The following LIPG variants were observed in gnomAD, a reference collection of about 807,000 sequenced individuals.
LIPG encodes lipase G, endothelial type.
Under a neutral mutation model 51.8 loss-of-function variants are expected in LIPG, and 34 were observed. The ratio of observed to expected loss-of-function variants is 0.66; its 90% CI spans 0.50 to 0.87. The LOEUF is 0.87. Among genes scored for constraint, LIPG ranks in the 40% least tolerant of loss-of-function variants. LIPG has a pLI of 0.00. For synonymous variants in LIPG, 246 were observed against 246.1 expected (o/e 1.00, Z 0.00); for missense variants, 580 against 652.7 (o/e 0.89, Z 1.21).
chr18:49,583,756 C>T lies in LIPG; in HGVS notation c.1358C>T (p.Ser453Phe), dbSNP rs746368914. The T allele has an allele frequency of 5.0e-6, 8 of 1,612,908 alleles. No homozygotes were observed. In the South Asian group the frequency reaches 7.7e-5, roughly 16 times the overall value. ...ELNIRRIRVK[S>F]GETQRKLTFC... is the part of the protein sequence containing the mutation. ...AATATCAGGCGCATCCGGGTGAAGT[C>T]TGGGGAAACCCAGCGGAAGTAAGTG... Residue 453 changes from serine (S) to phenylalanine (F), a missense_variant, in exon 8 of 10, where the codon TCT (serine) becomes TTT (phenylalanine). Physicochemically the swap from Ser to Phe is radical, Grantham distance 155. Coordinates refer to ENST00000261292, the MANE Select transcript of LIPG (RefSeq NM_006033.4).
upstream of LIPG, chr18:49,561,515 G>C: frequency 2.3e-6 from 1 of 441,822 alleles, no homozygotes; most frequent in Admixed American, 4.4e-5. Flanking sequence ...AGCTCCGCCG[G>C]GTTATTGTGC....
chr18:49,569,425 G>C lies in LIPG; in HGVS notation c.460-12G>C. On this transcript the variant is annotated splice_polypyrimidine_tract_variant and intron_variant, in intron 3 of 9. Transcript: ENST00000261292. ...TGCTCTTCTGCTCACATACTTTGGT[G>C]ACTTTCTATAGGAGAAGGACGATTT... 6.2e-7 allele frequency: 1 copy of C among 1,612,470 alleles called. No homozygotes were observed. The highest frequency in any genetic ancestry group is 1.1e-5 in the South Asian group (1 of 91,052).
chr18:49,567,674 T>A, intron 3 of LIPG, 53 bp downstream of exon 3: 2 of 1,580,874 alleles, frequency 1.3e-6, no homozygotes, highest in Non-Finnish European at 1.7e-6. Flanking sequence ...TCAAACCCAA[T>A]CTTCTTAAGA....
intron 5 of LIPG, among the ~76,000 whole-genome samples, chr18:49,576,123 C>A (rs2084713318): frequency 6.6e-6 from 1 of 152,030 alleles, no homozygotes; most frequent in African/African-American, 2.4e-5. Context: ...CAGGTGTGAG[C>A]CACCGCACCC....
At chr18:49,578,878 GGC>G (rs2084766439) in intron 5 of LIPG, among the ~76,000 whole-genome samples, 2 of 134,698 alleles carry the variant, frequency 1.5e-5, no homozygotes, top group African/African-American at 3.0e-5. Context: ...CAGGCGTGGT[GGC>G]GCGTGCCTGC....
intron 5 of LIPG, among the ~76,000 whole-genome samples, chr18:49,577,194 T>G (rs1395254954): frequency 8.4e-5 from 11 of 131,230 alleles, no homozygotes; most frequent in Non-Finnish European, 3.2e-5. Context: ...CCCTGATTAC[T>G]TGAGATTAGG....
chr18:49,580,243 A>C (rs1267254461), intron 5 of LIPG, among the ~76,000 whole-genome samples: 1 of 152,120 alleles, frequency 6.6e-6, no homozygotes, highest in East Asian at 1.9e-4. Context: ...TTTGTAACCA[A>C]CTGTCTCTAT....
At chr18:49,570,499 A>G (rs971453878) in intron 4 of LIPG, among the ~76,000 whole-genome samples, 1 of 152,156 alleles carries the variant, frequency 6.6e-6, no homozygotes, top group Non-Finnish European at 1.5e-5. Context: ...AGAAGGATAG[A>G]TCTGAACAAT....
Position 49,582,295 on chromosome 18 carries a change from T to G in LIPG, c.1037-67T>G, listed in dbSNP as rs1250547421. 18 of 1,602,962 alleles carry G rather than the reference T, an allele frequency of 1.1e-5. No individual in the cohort carries two copies. In the African/African-American group the frequency reaches 2.0e-4, roughly 18 times the overall value. ...AAAATCTCTGTGCTGGTGACTCAGT[T>G]TGGGTCAGGGGTCTCCTGTGATGAC... is the stretch of plus-strand genomic sequence containing the variant. On this transcript the variant is annotated intron_variant, in intron 6 of 9. Coordinates refer to ENST00000261292, the MANE Select transcript of LIPG (RefSeq NM_006033.4).
In LIPG at chr18:49,592,693, CAAATTG is replaced by C. The variant is rs1238574324; in HGVS notation, c.*2174_*2179del. On this transcript the variant is annotated 3_prime_UTR_variant, in exon 10 of 10. Transcript: ENST00000261292. ...TCTGTTTTTACTAATGGAAGCTTTG[CAAATTG>C]AATTCTCAGTGAGTTGTATATTTAT... The C allele has an allele frequency of 3.3e-5, 5 of 152,142 alleles. No homozygotes were observed. Among genetic ancestry groups the C allele is most frequent in the African/African-American group, 1.2e-4 (5 of 41,404 alleles). 9.4% of individuals were successfully genotyped at this position (152,142 alleles called of 1,614,324 possible).
At chr18:49,564,427 T>G (rs189904658) in intron 1 of LIPG, among the ~76,000 whole-genome samples, 10 of 152,290 alleles carry the variant, frequency 6.6e-5, no homozygotes, top group Non-Finnish European at 1.2e-4. Flanking sequence ...GAGCTGCACT[T>G]TGGGAGCAGG....
chr18:49,566,967 G>T (rs76126694), intron 2 of LIPG, among the ~76,000 whole-genome samples: 1 of 152,224 alleles, frequency 6.6e-6, no homozygotes, highest in African/African-American at 2.4e-5. Context: ...AAATACCTGC[G>T]TAGTGATTCT....
At chr18:49,579,772 T>C (rs1242543510) in intron 5 of LIPG, among the ~76,000 whole-genome samples, 5 of 58,966 alleles carry the variant, frequency 8.5e-5, no homozygotes, top group Non-Finnish European at 1.1e-4. Context: ...TCCTTTCTTT[T>C]CTTTTCTTTT....
chr18:49,582,253 A>G, intron 6 of LIPG, 109 bp from the exon 7 acceptor site: 1 of 1,444,564 alleles, frequency 6.9e-7, no homozygotes, highest in Non-Finnish European at 9.7e-7. Flanking sequence ...GGGCTCAACC[A>G]AAAGAACACC....
chr18:49,593,618 AG>A lies in LIPG; in HGVS notation c.*3098del, dbSNP rs1203247870. 1 of 152,230 alleles carries A rather than the reference AG, an allele frequency of 6.6e-6. No individual in the cohort carries two copies. Among genetic ancestry groups the A allele is most frequent in the Non-Finnish European group, 1.5e-5 (1 of 68,044 alleles). 9.4% of individuals were successfully genotyped at this position (152,230 alleles called of 1,614,324 possible). A position where few individuals can be genotyped will look rare whatever the true frequency, so the allele number is the denominator to read the frequency against. ...CTATTCTACAGGCCAAGAGGGCTGC[AG>A]GTTCTTAGTTTTTCACTGTGCCATT... is the stretch of plus-strand genomic sequence containing the variant. On this transcript the variant is annotated 3_prime_UTR_variant, in exon 10 of 10. Coordinates refer to ENST00000261292, the MANE Select transcript of LIPG (RefSeq NM_006033.4).
At position 49,597,726 on chromosome 18, in the gene LIPG, G is replaced by A. The variant is rs1056647350; in HGVS notation, c.*7204G>A. On this transcript the variant is annotated 3_prime_UTR_variant, in exon 10 of 10. Transcript: ENST00000261292. ...ATTTGCTAATTATCTCAGCCCAGAC[G>A]AGTCTGCACGCTATGTGGTTTAATA... 3.3e-5 allele frequency: 5 copies of A among 152,222 alleles called. No individual in the cohort carries two copies. Among genetic ancestry groups the A allele is most frequent in the African/African-American group, 7.2e-5 (3 of 41,452 alleles). 9.4% of individuals were successfully genotyped at this position (152,222 alleles called of 1,614,324 possible).
At chr18:49,578,917 C>T (rs1401257722) in intron 5 of LIPG, among the ~76,000 whole-genome samples, 2 of 145,558 alleles carry the variant, frequency 1.4e-5, no homozygotes, top group Non-Finnish European at 3.0e-5. Flanking sequence ...CAGGCTGAGG[C>T]AGGAGAATCA....
chr18:49,575,028 A>G (rs2084700778), intron 4 of LIPG, among the ~76,000 whole-genome samples: 1 of 152,242 alleles, frequency 6.6e-6, no homozygotes, highest in Non-Finnish European at 1.5e-5. Context: ...AGTTCTTTCT[A>G]GAACTGCTTC....
chr18:49,588,268 A>G (rs2084904353), intron 9 of LIPG, among the ~76,000 whole-genome samples: 1 of 150,030 alleles, frequency 6.7e-6, no homozygotes, highest in African/African-American at 2.5e-5. Flanking sequence ...GTGTGGGCCT[A>G]ATTCTCCCAC....
Sources: gnomAD v4.1 joint callset for allele counts (sites outside exome capture counted in the v4.1 genomes callset) on GRCh38, gnomAD v4.1.1 for gene constraint, MANE v1.5 for transcripts, NCBI Gene and HGNC (gene_info 2026-07-23, HGNC 2026-07-21) for gene names.